HACE1: variants seen among roughly 807,000 people sequenced by gnomAD.
HACE1 encodes HECT domain and ankyrin repeat containing E3 ubiquitin protein ligase 1.
In HACE1, 73 loss-of-function variants were observed where a neutral mutation model predicts 118.4. That is an observed-to-expected ratio of 0.62 (90% CI 0.51 to 0.75). HACE1 has a LOEUF of 0.75. Among genes scored for constraint, HACE1 ranks in the 30% least tolerant of loss-of-function variants. HACE1 has a pLI of 0.00. For missense variants in HACE1, 749 were observed against 1,102.2 expected (o/e 0.68, Z 4.54); for synonymous variants, 368 against 374.8 (o/e 0.98, Z 0.21).
At chr6:104,849,711 C>G (rs1401603085) in intron 3 of HACE1, among the ~76,000 whole-genome samples, 2 of 147,764 alleles carry the variant, frequency 1.4e-5, no homozygotes, top group African/African-American at 5.0e-5. Flanking sequence ...TGCAGTGGTG[C>G]GATGTCAGCT....
intron 19 of HACE1, among the ~76,000 whole-genome samples, chr6:104,759,845 G>C (rs1211337888): frequency 6.6e-6 from 1 of 151,782 alleles, no homozygotes; most frequent in African/African-American, 2.4e-5. Context: ...TAAAATACAT[G>C]CAATAAAATT....
At chr6:104,797,281 G>C (rs1769760152) in intron 7 of HACE1, among the ~76,000 whole-genome samples, 1 of 151,442 alleles carries the variant, frequency 6.6e-6, no homozygotes, top group Middle Eastern at 3.4e-3. Flanking sequence ...TAATATTTTG[G>C]GGATAAGTAA....
At chr6:104,809,736 G>A (rs1349660763) in intron 7 of HACE1, among the ~76,000 whole-genome samples, 1 of 150,868 alleles carries the variant, frequency 6.6e-6, no homozygotes, top group Admixed American at 6.6e-5. Flanking sequence ...AGGGAGACCA[G>A]TGAAGAGATT....
rs140875770 is a variant in HACE1, at chr6:104,768,143, G to A, written c.2211+3050C>T. Among the ~76,000 whole-genome samples, 926 of 151,882 alleles carry A rather than the reference G, an allele frequency of 6.1e-3. 3 individuals carry two copies. Among genetic ancestry groups the A allele is most frequent in the African/African-American group, 0.021 (877 of 41,366 alleles). ...AAATTAAAGGTATTTTCATCTATTT[G>A]GTTTCACTTTATAATCACCAAAGCC... On this transcript the variant is annotated intron_variant, in intron 19 of 23. Transcript: ENST00000262903.
At position 104,728,341 on chromosome 6, in the gene HACE1, C is replaced by T. The variant is rs934059445; in HGVS notation, c.*1321G>A. 6 of 152,056 alleles carry T rather than the reference C, an allele frequency of 3.9e-5. No individual in the cohort carries two copies. Among genetic ancestry groups the T allele is most frequent in the African/African-American group, 9.6e-5 (4 of 41,480 alleles). The allele number at this position is 152,056 out of a possible 1,614,324, so 9.4% of individuals were successfully genotyped here. On this transcript the variant is annotated 3_prime_UTR_variant, in exon 24 of 24. Coordinates refer to ENST00000262903, the MANE Select transcript of HACE1 (RefSeq NM_020771.4). ...CTTCAGTTACTATAAATAAAGCATC[C>T]GAATCTTAATTTTAGAGCTAATGGT...
rs1309247935 is a variant in HACE1 at position 104,728,882 on chromosome 6, T to C, written c.*780A>G. ...TTGCACATCAGATTACTTTTTCAGA[T>C]GTGTCAGAGCTCACAGATAAAAGTA... On this transcript the variant is annotated 3_prime_UTR_variant, in exon 24 of 24. Coordinates refer to ENST00000262903, the MANE Select transcript of HACE1 (RefSeq NM_020771.4). The C allele has an allele frequency of 4.6e-5, 7 of 152,718 alleles. No homozygotes were observed. In the South Asian group the frequency reaches 8.3e-4, roughly 18 times the overall value. 9.5% of individuals were successfully genotyped at this position (152,718 alleles called of 1,614,324 possible).
intron 2 of HACE1, among the ~76,000 whole-genome samples, chr6:104,851,292 C>CA (rs1383341454): frequency 6.6e-6 from 1 of 152,190 alleles, no homozygotes; most frequent in African/African-American, 2.4e-5. Flanking sequence ...CCAAGTTGGC[C>CA]AAGATGATCT....
intron 10 of HACE1, among the ~76,000 whole-genome samples, chr6:104,792,980 T>C (rs1783199143): frequency 6.6e-6 from 1 of 152,126 alleles, no homozygotes; most frequent in Non-Finnish European, 1.5e-5. Context: ...TTTAAAATAG[T>C]TGCTTTTGCC....
chr6:104,753,761 C>T (rs1778316207), intron 19 of HACE1, among the ~76,000 whole-genome samples: 1 of 152,126 alleles, frequency 6.6e-6, no homozygotes, highest in South Asian at 2.1e-4. Flanking sequence ...TCAGCAACCT[C>T]AAAGAACAAA....
chr6:104,849,376 G>A (rs1281350376), intron 3 of HACE1, 130 bp from the exon 4 acceptor site: 7 of 707,452 alleles, frequency 9.9e-6, no homozygotes, highest in African/African-American at 5.2e-5. Context: ...TTGCTCTGTC[G>A]CCCATGCTGG....
chr6:104,802,281 C>A (rs1414936987), intron 7 of HACE1, among the ~76,000 whole-genome samples: 2 of 152,118 alleles, frequency 1.3e-5, no homozygotes, highest in Non-Finnish European at 2.9e-5. Context: ...GACTTAAACA[C>A]CCCACTGTCA....
intron 20 of HACE1, among the ~76,000 whole-genome samples, chr6:104,745,765 G>T (rs1192348761): frequency 6.6e-6 from 1 of 152,000 alleles, no homozygotes; most frequent in Non-Finnish European, 1.5e-5. Context: ...CAGGGATGTA[G>T]ATGCCCTGTG....
chr6:104,818,893 A>G (rs1582629115), intron 6 of HACE1, among the ~76,000 whole-genome samples: 1 of 152,324 alleles, frequency 6.6e-6, no homozygotes, highest in East Asian at 1.9e-4. Flanking sequence ...CATACCTCAA[A>G]ATAATATGAA....
At chr6:104,827,246 ACT>A (rs1292079067) in intron 6 of HACE1, among the ~76,000 whole-genome samples, 1 of 152,092 alleles carries the variant, frequency 6.6e-6, no homozygotes, top group Non-Finnish European at 1.5e-5. Flanking sequence ...CAATGATAAA[ACT>A]CTAAGTAAAA....
At chr6:104,825,793 G>T (rs1316365643) in intron 6 of HACE1, among the ~76,000 whole-genome samples, 1 of 152,184 alleles carries the variant, frequency 6.6e-6, no homozygotes, top group East Asian at 1.9e-4. Context: ...ATAAATATCT[G>T]CTTTTGCTGC....
intron 10 of HACE1, among the ~76,000 whole-genome samples, chr6:104,792,380 T>C (rs953800704): frequency 1.3e-4 from 20 of 152,218 alleles, no homozygotes; most frequent in African/African-American, 4.8e-4. Flanking sequence ...ACAGTTACCT[T>C]GGTATTGGTC....
chr6:104,741,848 A>G (rs1269261867), intron 22 of HACE1, among the ~76,000 whole-genome samples: 3 of 148,226 alleles, frequency 2.0e-5, no homozygotes, highest in African/African-American at 7.4e-5. Context: ...AGCCCACATC[A>G]CCAAGTCAAT....
At chr6:104,781,375 T>A (rs747635027) in intron 14 of HACE1, among the ~76,000 whole-genome samples, 4 of 152,182 alleles carry the variant, frequency 2.6e-5, no homozygotes, top group Non-Finnish European at 5.9e-5. Context: ...TGTTGCAGGC[T>A]TATTTTATAC....
At chr6:104,808,315 TAGTG>T (rs1382653628) in intron 7 of HACE1, among the ~76,000 whole-genome samples, 3 of 152,170 alleles carry the variant, frequency 2.0e-5, no homozygotes, top group Admixed American at 6.5e-5. Flanking sequence ...TGTCAGAACT[TAGTG>T]AGCACCTATC....
Sources: gnomAD v4.1 joint callset for allele counts (sites outside exome capture counted in the v4.1 genomes callset) on GRCh38, gnomAD v4.1.1 for gene constraint, MANE v1.5 for transcripts, NCBI Gene and HGNC (gene_info 2026-07-23, HGNC 2026-07-21) for gene names.